Variants in KCNMA1 observed in about 807,000 individuals in gnomAD.
KCNMA1 encodes the protein potassium calcium-activated channel subfamily M alpha 1, also known as Calcium-activated potassium channel subunit alpha-1.
Under a neutral mutation model 140.0 loss-of-function variants are expected in KCNMA1, and 29 were observed. The observed-to-expected ratio is 0.21, with a 90% confidence interval of 0.15 to 0.28. The LOEUF is 0.28. Ranked by LOEUF, KCNMA1 falls within the 10% of genes least tolerant of loss-of-function variation. The probability of loss-of-function intolerance (pLI) is 1.00; values close to 1 mark genes in which losing one functional copy is unlikely to be tolerated. For missense variants in KCNMA1, 880 were observed against 1,602.2 expected (o/e 0.55, Z 7.70); for synonymous variants, 612 against 611.9 (o/e 1.00, Z 0.00).
At chr10:77,484,143 A>G (rs1282462162) in intron 1 of KCNMA1, among the ~76,000 whole-genome samples, 1 of 152,194 alleles carries the variant, frequency 6.6e-6, no homozygotes, top group African/African-American at 2.4e-5. Context: ...GAGGGGAAGT[A>G]TTTTCCAGAA....
intron 5 of KCNMA1, among the ~76,000 whole-genome samples, chr10:77,172,993 T>C (rs2098721822): frequency 6.6e-6 from 1 of 152,056 alleles, no homozygotes. Flanking sequence ...ACCCTCATGA[T>C]CTAATCATCT....
chr10:77,219,913 T>C (rs1219852223), intron 3 of KCNMA1, among the ~76,000 whole-genome samples: 1 of 152,222 alleles, frequency 6.6e-6, no homozygotes, highest in African/African-American at 2.4e-5. Flanking sequence ...CCCAGTGGCA[T>C]TGTTTTCTAA....
At chr10:77,302,765 C>CA (rs939354641) in intron 2 of KCNMA1, among the ~76,000 whole-genome samples, 5 of 151,252 alleles carry the variant, frequency 3.3e-5, no homozygotes, top group African/African-American at 1.2e-4. Context: ...TGTGAGTATG[C>CA]AAAAAAAGGC....
intron 2 of KCNMA1, among the ~76,000 whole-genome samples, chr10:77,305,849 C>T (rs996101988): frequency 6.6e-6 from 1 of 152,154 alleles, no homozygotes; most frequent in Non-Finnish European, 1.5e-5. Flanking sequence ...AGCCTGCAAA[C>T]TCTAAATGGG....
At chr10:77,588,590 T>C (rs906410258) in intron 1 of KCNMA1, among the ~76,000 whole-genome samples, 6 of 152,156 alleles carry the variant, frequency 3.9e-5, no homozygotes, top group African/African-American at 9.7e-5. Flanking sequence ...TAGGCCTGGA[T>C]TGAAACCATC....
intron 2 of KCNMA1, among the ~76,000 whole-genome samples, chr10:77,261,387 C>A (rs1348791887): frequency 6.6e-6 from 1 of 152,106 alleles, no homozygotes; most frequent in Non-Finnish European, 1.5e-5. Context: ...AAGCCAATTG[C>A]CCAATCTCTT....
rs577454107 is a variant in KCNMA1, at chr10:77,126,291, T to C, written c.809-5243A>G. Reference sequence around the variant, plus strand: ...GTTCAGAGAGTTTTACAAGTGAGATTTTTACAGTTTCAAAAAATAGTAACT... The same window carrying C: ...GTTCAGAGAGTTTTACAAGTGAGATCTTTACAGTTTCAAAAAATAGTAACT... On this transcript the variant is annotated intron_variant, in intron 5 of 27. Coordinates refer to ENST00000286628, the MANE Select transcript of KCNMA1 (RefSeq NM_001161352.2). 5.3e-5 allele frequency among the ~76,000 whole-genome samples: 8 copies of C among 152,222 alleles called. No individual in the cohort carries two copies. The South Asian group carries it at 1.5e-3, about 28-fold the overall frequency.
chr10:77,215,901 TCTCTC>T (rs1294286802), intron 3 of KCNMA1, among the ~76,000 whole-genome samples: 97 of 149,560 alleles, frequency 6.5e-4, no homozygotes, highest in Middle Eastern at 3.5e-3. Context: ...TCCTCTCTCC[TCTCTC>T]CTCTCTCTCT....
chr10:77,491,382 T>A (rs184883887), intron 1 of KCNMA1, among the ~76,000 whole-genome samples: 3 of 152,224 alleles, frequency 2.0e-5, no homozygotes, highest in Admixed American at 2.0e-4. Context: ...TGCCACATTG[T>A]TCCATGGCCC....
intron 25 of KCNMA1, among the ~76,000 whole-genome samples, chr10:76,905,727 C>T (rs2047568219): frequency 6.6e-6 from 1 of 152,232 alleles, no homozygotes; most frequent in African/African-American, 2.4e-5. Context: ...CAAGCTATTT[C>T]ATGTTCTTCA....
intron 5 of KCNMA1, among the ~76,000 whole-genome samples, chr10:77,168,763 A>T (rs1319893510): frequency 2.0e-5 from 3 of 152,240 alleles, no homozygotes; most frequent in Non-Finnish European, 2.9e-5. Flanking sequence ...ATCAAAATTG[A>T]TTAGTAGCTA....
intron 1 of KCNMA1, among the ~76,000 whole-genome samples, chr10:77,472,677 TTTC>T (rs1285016499): frequency 6.6e-6 from 1 of 152,244 alleles, no homozygotes; most frequent in Non-Finnish European, 1.5e-5. Context: ...CTAAAAATTA[TTTC>T]TTTTTATTCT....
chr10:76,965,723 C>T (rs1314343852), intron 20 of KCNMA1, among the ~76,000 whole-genome samples: 1 of 152,172 alleles, frequency 6.6e-6, no homozygotes, highest in Non-Finnish European at 1.5e-5. Context: ...CTTTACATTT[C>T]TGTACCTCAA....
intron 2 of KCNMA1, among the ~76,000 whole-genome samples, chr10:77,290,955 G>T (rs1160368210): frequency 2.0e-5 from 3 of 152,190 alleles, no homozygotes; most frequent in Non-Finnish European, 4.4e-5. Flanking sequence ...TCGGAGATTT[G>T]ATATTCAGGA....
chr10:77,002,346 G>T (rs1390400856), intron 18 of KCNMA1, among the ~76,000 whole-genome samples: 9 of 152,332 alleles, frequency 5.9e-5, no homozygotes, highest in Non-Finnish European at 1.2e-4. Flanking sequence ...CTATTGGAAT[G>T]CATTTAGCTA....
At chr10:77,116,518 T>TA (rs1350423081) in intron 6 of KCNMA1, among the ~76,000 whole-genome samples, 4 of 152,030 alleles carry the variant, frequency 2.6e-5, no homozygotes, top group African/African-American at 9.7e-5. Context: ...TCTTTGTTTC[T>TA]GGTACTGCCA....
intron 14 of KCNMA1, among the ~76,000 whole-genome samples, chr10:77,067,034 G>T (rs1232008705): frequency 6.6e-6 from 1 of 152,192 alleles, no homozygotes; most frequent in Non-Finnish European, 1.5e-5. Flanking sequence ...TGCTTGCTGT[G>T]ATGATTAATG....
At chr10:77,636,564 G>T in intron 1 of KCNMA1, 1 of 1,536,156 alleles carries the variant, frequency 6.5e-7, no homozygotes, top group East Asian at 2.4e-5. Flanking sequence ...TGTTCCACTA[G>T]AGCACCTAAG....
chr10:77,590,507 C>A (rs2078764157), intron 1 of KCNMA1, among the ~76,000 whole-genome samples: 1 of 152,228 alleles, frequency 6.6e-6, no homozygotes, highest in African/African-American at 2.4e-5. Flanking sequence ...AGCCCACACC[C>A]ACCCGGAACT....
Sources: allele counts gnomAD v4.1 joint callset (sites outside exome capture counted in the v4.1 genomes callset), GRCh38; gene constraint gnomAD v4.1.1; transcripts MANE v1.5; gene names NCBI Gene and HGNC (gene_info 2026-07-23, HGNC 2026-07-21).